Variants in PLCB1 observed in about 807,000 individuals in gnomAD.
The protein encoded by PLCB1 is 1-phosphatidylinositol 4,5-bisphosphate phosphodiesterase beta-1.
A neutral mutation model predicts 161.8 loss-of-function variants in PLCB1; 46 were observed. That is an observed-to-expected ratio of 0.28 (90% CI 0.22 to 0.36). PLCB1 has a LOEUF of 0.36. PLCB1 is among the 10% of genes least tolerant of loss of function. PLCB1 has a pLI of 1.00. For synonymous variants in PLCB1, 517 were observed against 503.7 expected (o/e 1.03, Z -0.35); for missense variants, 1,016 against 1,472.5 (o/e 0.69, Z 5.07).
rs2051990366 is a variant in PLCB1 at position 8,193,399 on chromosome 20, G to GA, written c.177+43034dup. On this transcript the variant is annotated intron_variant, in intron 2 of 31. Coordinates refer to ENST00000338037, the MANE Select transcript of PLCB1 (RefSeq NM_015192.4). The stretch of plus-strand genomic sequence containing the variant: ...CATAGAATACTATGCAGCTGTAAAA[G>GA]AAAAAATTTTTAAAAAAAAAGGAGA... Among the ~76,000 whole-genome samples the GA allele has an allele frequency of 2.0e-5, 3 of 151,216 alleles. No individual in the cohort carries two copies. In the South Asian group the frequency reaches 6.3e-4, roughly 32 times the overall value.
rs559883888 is a variant in PLCB1 at position 8,644,961 on chromosome 20, CTT to C, written c.385-1138_385-1137del. Among the ~76,000 whole-genome samples the C allele has an allele frequency of 2.5e-4, 38 of 152,150 alleles. No homozygotes were observed. The South Asian group carries it at 7.7e-3, about 31-fold the overall frequency. On this transcript the variant is annotated intron_variant, in intron 4 of 31. Coordinates refer to ENST00000338037, the MANE Select transcript of PLCB1 (RefSeq NM_015192.4). ...TGTAGAAAGAGGTAGACATGGGAGACTTTTCATTTTGTTCTGTACTAAGAAAA... is the reference window on the plus strand; with the variant it reads ...TGTAGAAAGAGGTAGACATGGGAGACTTCATTTTGTTCTGTACTAAGAAAA...
Position 8,415,865 on chromosome 20 carries a change from A to G in PLCB1, c.246+44415A>G, listed in dbSNP as rs941185192. On this transcript the variant is annotated intron_variant, in intron 3 of 31. Coordinates refer to ENST00000338037, the MANE Select transcript of PLCB1 (RefSeq NM_015192.4). ...TCCAGGGCAACACCATGAATCTGGTAAAAGTCTGCTAGTGGTCAGTTTGCC... is the reference window on the plus strand; with the variant it reads ...TCCAGGGCAACACCATGAATCTGGTGAAAGTCTGCTAGTGGTCAGTTTGCC... Among the ~76,000 whole-genome samples, 5 of 152,198 alleles carry G rather than the reference A, an allele frequency of 3.3e-5. No individual in the cohort carries two copies. In the South Asian group the frequency reaches 8.3e-4, roughly 25 times the overall value.
At chr20:8,569,704 G>C (rs1986445176) in intron 3 of PLCB1, among the ~76,000 whole-genome samples, 1 of 152,076 alleles carries the variant, frequency 6.6e-6, no homozygotes, top group Admixed American at 6.5e-5. Context: ...GTAAGTATTA[G>C]CATGAAAATA....
intron 3 of PLCB1, among the ~76,000 whole-genome samples, chr20:8,422,873 C>T (rs1979598454): frequency 6.6e-6 from 1 of 152,130 alleles, no homozygotes. Flanking sequence ...AGTGACCCAG[C>T]ACATGTGATT....
chr20:8,500,314 T>C (rs552780429), intron 3 of PLCB1, among the ~76,000 whole-genome samples: 1 of 152,338 alleles, frequency 6.6e-6, no homozygotes, highest in South Asian at 2.1e-4. Flanking sequence ...AATTCAAATA[T>C]TTTACAGCCA....
chr20:8,550,648 A>G (rs549293071), intron 3 of PLCB1, among the ~76,000 whole-genome samples: 67 of 152,308 alleles, frequency 4.4e-4, no homozygotes, highest in Middle Eastern at 6.8e-3. Context: ...TACTTCCCCA[A>G]GACCTCTTCA....
chr20:8,149,319 T>G (rs1011197942), intron 1 of PLCB1, among the ~76,000 whole-genome samples: 16 of 152,158 alleles, frequency 1.1e-4, no homozygotes, highest in African/African-American at 3.9e-4. Context: ...CAGGCAGGAA[T>G]TTGAACCCAG....
chr20:8,410,592 G>A (rs932371199), intron 3 of PLCB1, among the ~76,000 whole-genome samples: 4 of 151,898 alleles, frequency 2.6e-5, no homozygotes, highest in Non-Finnish European at 4.4e-5. Context: ...CACTTGACAC[G>A]TGAGCCTCTA....
intron 2 of PLCB1, among the ~76,000 whole-genome samples, chr20:8,159,864 G>A (rs923648013): frequency 6.6e-6 from 1 of 151,668 alleles, no homozygotes; most frequent in African/African-American, 2.4e-5. Context: ...GCACATGCCT[G>A]TAATCCCAGC....
chr20:8,444,676 G>A (rs144909508), intron 3 of PLCB1, among the ~76,000 whole-genome samples: 3 of 152,200 alleles, frequency 2.0e-5, no homozygotes, highest in South Asian at 4.1e-4. Flanking sequence ...CAATGTAAAA[G>A]TGTTCCTGTT....
intron 2 of PLCB1, among the ~76,000 whole-genome samples, chr20:8,346,454 G>C (rs896601773): frequency 1.1e-4 from 16 of 152,184 alleles, no homozygotes; most frequent in Non-Finnish European, 2.9e-5. Context: ...AAGGCCCCTA[G>C]CTTAATAAAG....
At chr20:8,215,611 T>C (rs1441485084) in intron 2 of PLCB1, among the ~76,000 whole-genome samples, 1 of 152,048 alleles carries the variant, frequency 6.6e-6, no homozygotes, top group Non-Finnish European at 1.5e-5. Flanking sequence ...CAGTCCTAGT[T>C]TGAGGCTAAG....
Position 8,132,497 on chromosome 20 carries a change from G to A in PLCB1, c.-155G>A. On this transcript the variant is annotated 5_prime_UTR_variant, in exon 1 of 32. It adds an upstream start codon to the 5' untranslated region. Coordinates refer to ENST00000338037, the MANE Select transcript of PLCB1 (RefSeq NM_015192.4). The surrounding 1 kb of genome is among the most constrained non-coding windows in gnomAD (Gnocchi z 5.2). ...GCCTGCTGAGCGGCGCCGGAGGGAG[G>A]TGCGGAGGCCGGGAGGCCGGGGAGG... 5.1e-6 allele frequency: 2 copies of A among 390,854 alleles called. No individual in the cohort carries two copies. Among genetic ancestry groups the A allele is most frequent in the East Asian group, 4.1e-5 (1 of 24,178 alleles). The allele number at this position is 390,854 out of a possible 1,614,324, so 24.2% of individuals were successfully genotyped here.
At chr20:8,307,095 C>T (rs1336860599) in intron 2 of PLCB1, among the ~76,000 whole-genome samples, 1 of 152,188 alleles carries the variant, frequency 6.6e-6, no homozygotes, top group African/African-American at 2.4e-5. Flanking sequence ...ATTTAGCTGG[C>T]ATCCTGCATA....
Position 8,459,382 on chromosome 20 carries a change from A to G in PLCB1, c.246+87932A>G, listed in dbSNP as rs182107925. 1.4e-3 allele frequency among the ~76,000 whole-genome samples: 207 copies of G among 152,300 alleles called. 1 individual carries two copies. The highest frequency in any genetic ancestry group is 1.9e-3 in the Non-Finnish European group (126 of 68,018). On this transcript the variant is annotated intron_variant, in intron 3 of 31. Transcript: ENST00000338037. The stretch of plus-strand genomic sequence containing the variant: ...TTGAAGTTGAATGCTTAATTACTTT[A>G]CATTTAGATCTTTTATAACCAGATG...
chr20:8,232,885 T>C (rs574161480), intron 2 of PLCB1, among the ~76,000 whole-genome samples: 1 of 152,298 alleles, frequency 6.6e-6, no homozygotes, highest in East Asian at 1.9e-4. Flanking sequence ...AATACCCTTC[T>C]AGCAGCTGGC....
chr20:8,330,194 C>T (rs574917462), intron 2 of PLCB1, among the ~76,000 whole-genome samples: 4 of 152,184 alleles, frequency 2.6e-5, no homozygotes, highest in African/African-American at 7.2e-5. Context: ...TATCACGTGC[C>T]GGGCCTTGTT....
intron 2 of PLCB1, among the ~76,000 whole-genome samples, chr20:8,254,392 C>T (rs1981307725): frequency 6.6e-6 from 1 of 151,874 alleles, no homozygotes; most frequent in Admixed American, 6.6e-5. Context: ...TTTAAGTAAA[C>T]CTCTAGAAGT....
At chr20:8,213,200 T>A (rs564251326) in intron 2 of PLCB1, among the ~76,000 whole-genome samples, 2 of 152,316 alleles carry the variant, frequency 1.3e-5, no homozygotes, top group East Asian at 3.9e-4. Context: ...TGTTTCATAG[T>A]TGCTTTTGTG....
Sources: gnomAD v4.1 joint callset for allele counts (sites outside exome capture counted in the v4.1 genomes callset) on GRCh38, gnomAD v4.1.1 for gene constraint, Gnocchi (gnomAD v3.1) non-coding constraint, MANE v1.5 for transcripts, NCBI Gene and HGNC (gene_info 2026-07-23, HGNC 2026-07-21) for gene names.